The following ELAVL1 variants were observed in gnomAD, a reference collection of about 807,000 sequenced individuals.
ELAVL1 encodes the protein ELAV like RNA binding protein 1.
Under a neutral mutation model 28.4 loss-of-function variants are expected in ELAVL1, and 1 was observed. That is an observed-to-expected ratio of 0.04 (90% CI 0.01 to 0.17). ELAVL1 has a LOEUF of 0.17. Ranked by LOEUF, ELAVL1 falls within the 10% of genes least tolerant of loss-of-function variation. ELAVL1 has a pLI of 1.00. For synonymous variants in ELAVL1, 174 were observed against 183.5 expected, an observed-to-expected ratio of 0.95 and a Z score of 0.42; for missense variants, 157 against 447.2, an observed-to-expected ratio of 0.35 and a Z score of 5.85.
chr19:7,971,189 C>A (rs1434684401), intron 4 of ELAVL1, among the ~76,000 whole-genome samples: 1 of 152,242 alleles, frequency 6.6e-6, no homozygotes, highest in African/African-American at 2.4e-5. Flanking sequence ...AAGCAATGCC[C>A]CCAGCAGCTG....
intron 1 of ELAVL1, among the ~76,000 whole-genome samples, chr19:7,997,419 T>C (rs531369306): frequency 4.6e-5 from 7 of 152,272 alleles, no homozygotes; most frequent in African/African-American, 1.7e-4. Context: ...TGCCACATCA[T>C]TTCTGTGCCT....
intron 3 of ELAVL1, among the ~76,000 whole-genome samples, chr19:7,978,459 C>A (rs900181054): frequency 1.3e-5 from 2 of 152,074 alleles, no homozygotes; most frequent in African/African-American, 4.8e-5. Flanking sequence ...CGTAATGAGC[C>A]CAGTAAACAC....
chr19:7,986,633 C>T (rs898520420), intron 2 of ELAVL1, among the ~76,000 whole-genome samples: 8 of 152,186 alleles, frequency 5.3e-5, no homozygotes, highest in African/African-American at 1.4e-4. Context: ...GCCGCTTCAC[C>T]GGCAGGAAGA....
chr19:7,964,898 C>T (rs1279855804), intron 5 of ELAVL1, among the ~76,000 whole-genome samples: 3 of 152,184 alleles, frequency 2.0e-5, no homozygotes, highest in South Asian at 2.1e-4. Flanking sequence ...TGTGAAGCTG[C>T]GTGATGCATG....
intron 4 of ELAVL1, chr19:7,973,337 TCTC>T (rs1004581713): frequency 3.1e-6 from 1 of 325,776 alleles, no homozygotes; most frequent in Admixed American, 4.7e-5. Context: ...TTCATGCCAT[TCTC>T]CTGTCTCAGC....
At chr19:7,994,251 T>C (rs1985824271) in intron 1 of ELAVL1, among the ~76,000 whole-genome samples, 1 of 151,386 alleles carries the variant, frequency 6.6e-6, no homozygotes, top group South Asian at 2.1e-4. Context: ...CACAGGGCAA[T>C]GTCTGGAGAC....
At chr19:8,000,714 G>A (rs1298479834) in intron 1 of ELAVL1, among the ~76,000 whole-genome samples, 1 of 152,246 alleles carries the variant, frequency 6.6e-6, no homozygotes, top group Non-Finnish European at 1.5e-5. Flanking sequence ...GGTCTCAGGT[G>A]GACATGGCAC....
At chr19:7,985,303 C>T (rs1013493764) in intron 2 of ELAVL1, among the ~76,000 whole-genome samples, 1 of 152,222 alleles carries the variant, frequency 6.6e-6, no homozygotes, top group Non-Finnish European at 1.5e-5. Context: ...GGAGAGGAGG[C>T]CTCCAGAGGA....
chr19:7,980,724 G>A (rs563315900), intron 3 of ELAVL1, among the ~76,000 whole-genome samples: 2 of 152,334 alleles, frequency 1.3e-5, no homozygotes, highest in East Asian at 3.9e-4. Context: ...AGTAGGTGCT[G>A]AGTGAGGTGC....
intron 1 of ELAVL1, among the ~76,000 whole-genome samples, chr19:7,993,332 A>G (rs1160335233): frequency 4.6e-5 from 7 of 152,188 alleles, no homozygotes; most frequent in African/African-American, 1.7e-4. Context: ...CCCCATGTCC[A>G]GAGCCTGTGG....
intron 3 of ELAVL1, among the ~76,000 whole-genome samples, chr19:7,976,653 A>T (rs1985301794): frequency 6.6e-6 from 1 of 152,032 alleles, no homozygotes; most frequent in Non-Finnish European, 1.5e-5. Flanking sequence ...TCGGGCTTCC[A>T]GCCTCCAGAA....
At chr19:7,975,892 C>A (rs550560259) in intron 3 of ELAVL1, among the ~76,000 whole-genome samples, 3 of 152,072 alleles carry the variant, frequency 2.0e-5, no homozygotes, top group African/African-American at 7.2e-5. Context: ...ATCGCTTGAA[C>A]CCAAGAGTTC....
At chr19:7,993,323 C>T (rs1423411413) in intron 1 of ELAVL1, among the ~76,000 whole-genome samples, 3 of 152,160 alleles carry the variant, frequency 2.0e-5, no homozygotes, top group Non-Finnish European at 1.5e-5. Context: ...TTGCTTTCTC[C>T]CCATGTCCAG....
chr19:7,979,109 G>A lies in ELAVL1; in HGVS notation c.276+1974C>T, dbSNP rs1985383147. 6.6e-6 allele frequency among the ~76,000 whole-genome samples: 1 copy of A among 152,240 alleles called. No homozygotes were observed. The highest frequency in any genetic ancestry group is 2.4e-5 in the African/African-American group (1 of 41,460). ...CAGGGCTGCGCCGGGGGAACTGCTAGAGGAGCCAGGCCCAGGGAGCCTCGG... is the reference window on the plus strand; with the variant it reads ...CAGGGCTGCGCCGGGGGAACTGCTAAAGGAGCCAGGCCCAGGGAGCCTCGG... On this transcript the variant is annotated intron_variant, in intron 3 of 5. Transcript: ENST00000407627. The surrounding 1 kb of genome is among the most constrained non-coding windows in gnomAD (Gnocchi z 5.4).
At position 7,959,147 on chromosome 19, in the gene ELAVL1, AAG is replaced by A. The variant is rs1984737130; in HGVS notation, c.*4334_*4335del. 2.0e-5 allele frequency: 3 copies of A among 152,774 alleles called. No individual in the cohort carries two copies. In the South Asian group the frequency reaches 6.2e-4, roughly 32 times the overall value. The allele number at this position is 152,774 out of a possible 1,614,324, so 9.5% of individuals were successfully genotyped here. On this transcript the variant is annotated 3_prime_UTR_variant, in exon 6 of 6. Coordinates refer to ENST00000407627, the MANE Select transcript of ELAVL1 (RefSeq NM_001419.3). The stretch of plus-strand genomic sequence containing the variant: ...TCTGAAAATAATTTAAAAAGCTTAA[AAG>A]TTACATAGGCATCTTCAAAAGAACA...
At chr19:7,992,757 A>G (rs1985786284) in intron 1 of ELAVL1, among the ~76,000 whole-genome samples, 1 of 152,202 alleles carries the variant, frequency 6.6e-6, no homozygotes, top group Non-Finnish European at 1.5e-5. Context: ...AGTTACTAAT[A>G]ATGTGTCAAT....
At chr19:7,974,021 C>A (rs904988628) in intron 3 of ELAVL1, 143 bp from the exon 4 acceptor site, 9 of 1,117,160 alleles carry the variant, frequency 8.1e-6, no homozygotes, top group Non-Finnish European at 1.0e-5. Context: ...ACGCTCACCG[C>A]CTGCAGCCGC....
At chr19:7,990,883 G>A (rs763914414) in intron 2 of ELAVL1, among the ~76,000 whole-genome samples, 9 of 152,132 alleles carry the variant, frequency 5.9e-5, no homozygotes, top group Non-Finnish European at 1.2e-4. Context: ...ATTCTCTCCC[G>A]AGTCCTTGAA....
In ELAVL1 at chr19:7,981,805, G is replaced by A. The variant is rs1452782828; in HGVS notation, c.173-619C>T. On this transcript the variant is annotated intron_variant, in intron 2 of 5. Coordinates refer to ENST00000407627, the MANE Select transcript of ELAVL1 (RefSeq NM_001419.3). This position sits in a 1 kb window ranked among gnomAD's most constrained non-coding sequence, Gnocchi z 4.2. ...GGTGCCGGCCGCTCTGTGGGGCCTG[G>A]GTGGTGAGGATGAGGAAGGCCACGG... 6.6e-6 allele frequency among the ~76,000 whole-genome samples: 1 copy of A among 152,170 alleles called. No individual in the cohort carries two copies. The highest frequency in any genetic ancestry group is 2.4e-5 in the African/African-American group (1 of 41,446).
Sources: gnomAD v4.1 joint callset for allele counts (sites outside exome capture counted in the v4.1 genomes callset) on GRCh38, gnomAD v4.1.1 for gene constraint, Gnocchi (gnomAD v3.1) non-coding constraint, MANE v1.5 for transcripts, NCBI Gene and HGNC (gene_info 2026-07-23, HGNC 2026-07-21) for gene names.